SUGCT: variants seen among roughly 807,000 people sequenced by gnomAD.
The protein encoded by SUGCT is succinyl-CoA:glutarate CoA-transferase.
A neutral mutation model predicts 55.0 loss-of-function variants in SUGCT; 41 were observed. The observed-to-expected ratio is 0.74, with a 90% CI of 0.58 to 0.97. The LOEUF (loss-of-function observed/expected upper bound fraction) is 0.97, where lower values mean the gene tolerates loss of function less well. Among genes scored for constraint, SUGCT ranks in the 50% least tolerant of loss-of-function variants. SUGCT has a pLI of 0.00. For synonymous variants in SUGCT, 187 were observed against 200.4 expected (o/e 0.93, Z 0.56); for missense variants, 568 against 547.8 (o/e 1.04, Z -0.37).
intron 8 of SUGCT, among the ~76,000 whole-genome samples, chr7:40,287,736 T>G (rs1332258253): frequency 1.3e-5 from 2 of 152,112 alleles, no homozygotes; most frequent in Admixed American, 1.3e-4. Context: ...TGAGCTCAAG[T>G]GATCCTCCTG....
chr7:40,907,980 G>GTT, the SUGCT span, among the ~76,000 whole-genome samples: 1 of 148,712 alleles, frequency 6.7e-6, no homozygotes, highest in African/African-American at 2.5e-5. Context: ...TAATTATCTA[G>GTT]TTTTTTTTTT....
chr7:40,339,779 G>T (rs1216987318), intron 9 of SUGCT, among the ~76,000 whole-genome samples: 1 of 152,202 alleles, frequency 6.6e-6, no homozygotes, highest in Non-Finnish European at 1.5e-5. Context: ...ACAAGTCCCA[G>T]TGAGATGAAC....
At chr7:40,578,103 GA>G (rs1160146735) in intron 12 of SUGCT, among the ~76,000 whole-genome samples, 1 of 152,106 alleles carries the variant, frequency 6.6e-6, no homozygotes, top group Admixed American at 6.5e-5. Flanking sequence ...AAATCATGTA[GA>G]GGGGCTGTAA....
At chr7:40,990,310 G>A in the SUGCT span, among the ~76,000 whole-genome samples, 2 of 152,208 alleles carry the variant, frequency 1.3e-5, no homozygotes, top group Admixed American at 6.5e-5. Context: ...TGGTGCAAAA[G>A]TATTTGCAGA....
At position 40,425,723 on chromosome 7, in the gene SUGCT, G is replaced by A. The variant is rs566485174; in HGVS notation, c.817-23564G>A. Among the ~76,000 whole-genome samples, 196 of 152,142 alleles carry A rather than the reference G, an allele frequency of 1.3e-3. 2 individuals are homozygous for A. Among genetic ancestry groups the A allele is most frequent in the African/African-American group, 4.4e-3 (181 of 41,520 alleles). ...TGGAATTACCTAGATGGAGCCATACGCCATTGATAATGGATATTGTGATCT... is the reference window on the plus strand; with the variant it reads ...TGGAATTACCTAGATGGAGCCATACACCATTGATAATGGATATTGTGATCT... On this transcript the variant is annotated intron_variant, in intron 9 of 13. Coordinates refer to ENST00000335693, the MANE Select transcript of SUGCT (RefSeq NM_001193313.2).
intron 12 of SUGCT, among the ~76,000 whole-genome samples, chr7:40,512,669 G>T (rs1255586058): frequency 6.6e-6 from 1 of 151,786 alleles, no homozygotes; most frequent in Non-Finnish European, 1.5e-5. Context: ...TTTTTAAGAT[G>T]GTAAGATGTT....
At chr7:40,683,513 A>G (rs1342459091) in intron 12 of SUGCT, among the ~76,000 whole-genome samples, 2 of 152,204 alleles carry the variant, frequency 1.3e-5, no homozygotes, top group Admixed American at 1.3e-4. Context: ...CAGTGGAAGA[A>G]CGTGGAAGAA....
chr7:40,162,702 GGT>G (rs1784237508), intron 1 of SUGCT, among the ~76,000 whole-genome samples: 1 of 152,108 alleles, frequency 6.6e-6, no homozygotes, highest in Admixed American at 6.6e-5. Context: ...TGTGCTGGTT[GGT>G]CTCAAACTCC....
chr7:40,942,354 A>G, the SUGCT span, among the ~76,000 whole-genome samples: 1 of 152,240 alleles, frequency 6.6e-6, no homozygotes, highest in East Asian at 1.9e-4. Context: ...TTATTGGCTG[A>G]TAGTTATTCC....
chr7:40,636,451 A>G (rs1375830384), intron 12 of SUGCT, among the ~76,000 whole-genome samples: 1 of 152,124 alleles, frequency 6.6e-6, no homozygotes, highest in Non-Finnish European at 1.5e-5. Flanking sequence ...ACCTCATTCT[A>G]TTCATTAGGA....
the SUGCT span, among the ~76,000 whole-genome samples, chr7:40,917,805 G>T: frequency 6.6e-6 from 1 of 152,128 alleles, no homozygotes. Flanking sequence ...AGAACCTCTG[G>T]CATCCCTTTC....
intron 12 of SUGCT, among the ~76,000 whole-genome samples, chr7:40,513,263 T>G (rs1357902200): frequency 1.3e-5 from 2 of 152,142 alleles, no homozygotes; most frequent in African/African-American, 4.8e-5. Flanking sequence ...TCTGGTAAAC[T>G]CAAATTCTGA....
intron 13 of SUGCT, among the ~76,000 whole-genome samples, chr7:40,803,022 C>T (rs746989900): frequency 1.3e-4 from 20 of 152,050 alleles, no homozygotes; most frequent in Non-Finnish European, 2.4e-4. Flanking sequence ...AATTAGCAAT[C>T]GGTTGCATGT....
intron 9 of SUGCT, among the ~76,000 whole-genome samples, chr7:40,346,883 C>T (rs1337632878): frequency 2.0e-5 from 3 of 152,128 alleles, no homozygotes; most frequent in Non-Finnish European, 4.4e-5. Flanking sequence ...ATGCCCTCAC[C>T]ATTTGCCAAT....
chr7:40,721,790 T>G (rs1279869268), intron 12 of SUGCT, among the ~76,000 whole-genome samples: 1 of 152,240 alleles, frequency 6.6e-6, no homozygotes. Context: ...GAGATAAAGT[T>G]TCTTCTATCT....
At chr7:40,312,050 G>GTTTTT (rs35487000) in intron 8 of SUGCT, among the ~76,000 whole-genome samples, 3 of 144,978 alleles carry the variant, frequency 2.1e-5, no homozygotes, top group Non-Finnish European at 4.5e-5. Flanking sequence ...CCTCACATAA[G>GTTTTT]TTTTTTTTTT....
chr7:40,164,670 A>C (rs1172174597), intron 1 of SUGCT, among the ~76,000 whole-genome samples: 2 of 152,192 alleles, frequency 1.3e-5, no homozygotes, highest in East Asian at 3.8e-4. Flanking sequence ...ATCTAATTAA[A>C]AATTATCATC....
intron 12 of SUGCT, among the ~76,000 whole-genome samples, chr7:40,615,705 G>C: frequency 6.6e-6 from 1 of 152,182 alleles, no homozygotes; most frequent in East Asian, 1.9e-4. Flanking sequence ...TTATTCAATT[G>C]TTTAGCGAAA....
intron 9 of SUGCT, among the ~76,000 whole-genome samples, chr7:40,410,257 T>C (rs1462186908): frequency 6.6e-6 from 1 of 152,194 alleles, no homozygotes; most frequent in Non-Finnish European, 1.5e-5. Flanking sequence ...ATTTAGTTTT[T>C]TCAATTATTA....
Sources: gnomAD v4.1 joint callset for allele counts (sites outside exome capture counted in the v4.1 genomes callset) on GRCh38, gnomAD v4.1.1 for gene constraint, MANE v1.5 for transcripts, NCBI Gene and HGNC (gene_info 2026-07-23, HGNC 2026-07-21) for gene names.